PTPN13: variants seen among roughly 807,000 people sequenced by gnomAD.
PTPN13 encodes tyrosine-protein phosphatase non-receptor type 13.
A neutral mutation model predicts 284.0 loss-of-function variants in PTPN13; 191 were observed. The ratio of observed to expected loss-of-function variants is 0.67; its 90% CI spans 0.60 to 0.76. The LOEUF is 0.76. Among genes scored for constraint, PTPN13 ranks in the 30% least tolerant of loss-of-function variants. The pLI is 0.00. For missense variants in PTPN13, 2,797 were observed against 2,939.9 expected (o/e 0.95, Z 1.12); for synonymous variants, 986 against 1,022.3 (o/e 0.96, Z 0.68).
In PTPN13 at chr4:86,785,829, C is replaced by CAATA. The variant is rs1220962432; in HGVS notation, c.6257-19_6257-18insAATA. On this transcript the variant is annotated intron_variant, in intron 39 of 47. Transcript: ENST00000411767. ...AATAGTTTTATAAATTCCTCTTGGC[C>CAATA]TATATATTCCTCTCTCAGGTACATT... 2 of 1,459,734 alleles carry CAATA rather than the reference C, an allele frequency of 1.4e-6. No homozygotes were observed. The highest frequency in any genetic ancestry group is 1.9e-6 in the Non-Finnish European group (2 of 1,075,492). 90.4% of individuals were successfully genotyped at this position (1,459,734 alleles called of 1,614,324 possible).
At chr4:86,760,132 T>A (rs1738508704) in intron 23 of PTPN13, among the ~76,000 whole-genome samples, 1 of 152,306 alleles carries the variant, frequency 6.6e-6, no homozygotes, top group African/African-American at 2.4e-5. Flanking sequence ...ATATATTTTG[T>A]ATGTCTGTAT....
intron 9 of PTPN13, among the ~76,000 whole-genome samples, chr4:86,720,827 G>C (rs1239399285): frequency 6.6e-6 from 1 of 152,138 alleles, no homozygotes; most frequent in African/African-American, 2.4e-5. Flanking sequence ...GTACCATAGT[G>C]GGATGGGGGG....
rs777872734 is a variant in PTPN13, at chr4:86,775,567, G to A, written c.5806G>A (p.Gly1936Arg). ...QLLDVIHYVN[G>R]VSTQGMTLEE... ...ATTAGATGTCATCCATTATGTGAAC[G>A]GAGTCAGCACACAAGGAATGACCTT... Residue 1936 changes from glycine to arginine, a missense_variant, in exon 35 of 48, where the codon GGA becomes AGA. Transcript: ENST00000411767. 11 of 1,613,604 alleles carry A rather than the reference G, an allele frequency of 6.8e-6. No homozygotes were observed. The highest frequency in any genetic ancestry group is 2.2e-5 in the East Asian group (1 of 44,860).
chr4:86,716,278 A>G (rs1185020647), intron 7 of PTPN13, among the ~76,000 whole-genome samples: 1 of 152,182 alleles, frequency 6.6e-6, no homozygotes, highest in Non-Finnish European at 1.5e-5. Context: ...AGATTAAATT[A>G]CTTTCCTAAG....
rs561218570 is a variant in PTPN13 at position 86,653,495 on chromosome 4, C to CTTTTTT, written c.115+18133_115+18138dup. Among the ~76,000 whole-genome samples the CTTTTTT allele has an allele frequency of 2.9e-3, 412 of 141,042 alleles. 1 individual carries two copies. Among genetic ancestry groups the CTTTTTT allele is most frequent in the African/African-American group, 5.7e-3 (218 of 38,422 alleles). The allele number at this position is 141,042 out of a possible 152,430, so 92.5% of individuals were successfully genotyped here. ...CCCTAAGCTCCGGAGCGCCTCAACT[C>CTTTTTT]TTTTTTTTTTTTTTGATTTTGTGTT... On this transcript the variant is annotated intron_variant, in intron 2 of 47. Transcript: ENST00000411767.
intron 46 of PTPN13, 122 bp downstream of exon 46, chr4:86,810,106 T>G: frequency 2.8e-6 from 2 of 703,692 alleles, no homozygotes; most frequent in South Asian, 4.8e-5. Flanking sequence ...TGCCTTCATT[T>G]TCTTCTTATA....
At chr4:86,721,422 A>C (rs1404151502) in intron 9 of PTPN13, among the ~76,000 whole-genome samples, 1 of 152,102 alleles carries the variant, frequency 6.6e-6, no homozygotes, top group Admixed American at 6.6e-5. Flanking sequence ...CCTTGAGGGA[A>C]ATGAGAAGTA....
At chr4:86,667,152 T>G (rs1348893067) in intron 2 of PTPN13, among the ~76,000 whole-genome samples, 1 of 152,224 alleles carries the variant, frequency 6.6e-6, no homozygotes, top group Non-Finnish European at 1.5e-5. Flanking sequence ...CTAGGTGAGT[T>G]TAGGGATTTG....
At position 86,758,219 on chromosome 4, in the gene PTPN13, G is replaced by A. The variant is rs186186308; in HGVS notation, c.3224-41G>A. 8.4e-5 allele frequency: 116 copies of A among 1,385,776 alleles called. No individual in the cohort carries two copies. In the East Asian group the frequency reaches 2.5e-3, roughly 30 times the overall value. The allele number at this position is 1,385,776 out of a possible 1,614,324, so 85.8% of individuals were successfully genotyped here. ...AAACAAGCTGACAGTCTTAATGCCT[G>A]AGCATGTTATATTTATTTTTAAATT... On this transcript the variant is annotated intron_variant, in intron 20 of 47. Transcript: ENST00000411767.
intron 15 of PTPN13, among the ~76,000 whole-genome samples, chr4:86,738,646 T>C (rs1178170294): frequency 6.6e-6 from 1 of 152,200 alleles, no homozygotes; most frequent in Non-Finnish European, 1.5e-5. Context: ...TACATATATT[T>C]ATTTACTCCT....
At chr4:86,646,997 A>T (rs980796323) in intron 2 of PTPN13, among the ~76,000 whole-genome samples, 1 of 152,248 alleles carries the variant, frequency 6.6e-6, no homozygotes, top group African/African-American at 2.4e-5. Flanking sequence ...CTAATCTAAA[A>T]TTCTAAAGCA....
At chr4:86,611,167 A>G (rs1765228814) in intron 1 of PTPN13, among the ~76,000 whole-genome samples, 2 of 152,248 alleles carry the variant, frequency 1.3e-5, no homozygotes. Context: ...GAGTTATAAA[A>G]TAAAAATCCT....
chr4:86,771,630 A>T, intron 31 of PTPN13, 95 bp downstream of exon 31: 1 of 1,294,322 alleles, frequency 7.7e-7, no homozygotes, highest in South Asian at 1.5e-5. Flanking sequence ...AAATGTATGT[A>T]TCTGTGACCT....
At chr4:86,653,917 TA>T (rs1725419144) in intron 2 of PTPN13, among the ~76,000 whole-genome samples, 1 of 152,224 alleles carries the variant, frequency 6.6e-6, no homozygotes, top group African/African-American at 2.4e-5. Context: ...GATGTGTACC[TA>T]AACTTCAATG....
intron 40 of PTPN13, among the ~76,000 whole-genome samples, chr4:86,793,083 G>T (rs1034336868): frequency 6.6e-6 from 1 of 152,088 alleles, no homozygotes; most frequent in Non-Finnish European, 1.5e-5. Context: ...AAAGAGTCAA[G>T]ACCCATTGGT....
chr4:86,704,355 A>G (rs1324499654), intron 7 of PTPN13, among the ~76,000 whole-genome samples: 1 of 152,194 alleles, frequency 6.6e-6, no homozygotes, highest in African/African-American at 2.4e-5. Flanking sequence ...ATCAAACATT[A>G]ATGGAAACGT....
intron 1 of PTPN13, among the ~76,000 whole-genome samples, chr4:86,598,332 A>T (rs1461166036): frequency 2.0e-5 from 3 of 151,870 alleles, no homozygotes; most frequent in Non-Finnish European, 4.4e-5. Context: ...TTTAGTAGAG[A>T]CGAGGTTTTG....
chr4:86,795,315 A>G (rs1017752195), intron 40 of PTPN13, among the ~76,000 whole-genome samples: 2 of 152,270 alleles, frequency 1.3e-5, no homozygotes, highest in African/African-American at 4.8e-5. Context: ...TCATCAGAGA[A>G]ATGCAAATCA....
chr4:86,752,631 C>A (rs1472780995), intron 19 of PTPN13, among the ~76,000 whole-genome samples: 2 of 152,102 alleles, frequency 1.3e-5, no homozygotes, highest in East Asian at 3.8e-4. Context: ...AGTAAATACT[C>A]TATAGAAAAC....
Sources: gnomAD v4.1 joint callset for allele counts (sites outside exome capture counted in the v4.1 genomes callset) on GRCh38, gnomAD v4.1.1 for gene constraint, MANE v1.5 for transcripts, NCBI Gene and HGNC (gene_info 2026-07-23, HGNC 2026-07-21) for gene names.